Variants in LONRF1 observed in about 807,000 individuals in gnomAD.
The protein encoded by LONRF1 is LON peptidase N-terminal domain and ring finger 1, also known as LON peptidase N-terminal domain and RING finger protein 1.
LONRF1 carries 37 observed loss-of-function variants against 85.8 expected under a neutral mutation model. The observed-to-expected ratio is 0.43, with a 90% CI of 0.33 to 0.57. The LOEUF (loss-of-function observed/expected upper bound fraction) is 0.57, where lower values mean the gene tolerates loss of function less well. Among genes scored for constraint, LONRF1 ranks in the 20% least tolerant of loss-of-function variants. The pLI, the probability that LONRF1 is intolerant of heterozygous loss-of-function variation, is 0.04. For synonymous variants in LONRF1, 517 were observed against 390.1 expected, an observed-to-expected ratio of 1.33 and a Z score of -3.83; for missense variants, 1,036 against 978.0, an observed-to-expected ratio of 1.06 and a Z score of -0.79.
At chr8:12,727,081 T>C (rs1011580781) in intron 10 of LONRF1, among the ~76,000 whole-genome samples, 14 of 150,340 alleles carry the variant, frequency 9.3e-5, no homozygotes, top group Non-Finnish European at 1.8e-4. Context: ...CTAACATACA[T>C]TGATAGGAGC....
intron 8 of LONRF1, among the ~76,000 whole-genome samples, chr8:12,731,222 C>T (rs901638060): frequency 1.3e-5 from 2 of 152,142 alleles, no homozygotes; most frequent in African/African-American, 4.8e-5. Flanking sequence ...ACCCTCCCGA[C>T]ACCAACTCAG....
chr8:12,745,717 A>G (rs1022253980), intron 1 of LONRF1, among the ~76,000 whole-genome samples: 6 of 152,182 alleles, frequency 3.9e-5, no homozygotes, highest in Non-Finnish European at 5.9e-5. Flanking sequence ...CATTTTTGAA[A>G]TCGACAAAAT....
In LONRF1 at chr8:12,755,354, C is replaced by T; in HGVS notation, c.67G>A (p.Gly23Ser). 7 of 1,225,878 alleles carry T rather than the reference C, an allele frequency of 5.7e-6. No homozygotes were observed. Among genetic ancestry groups the T allele is most frequent in the Non-Finnish European group, 7.1e-6 (7 of 980,858 alleles). 75.9% of individuals were successfully genotyped at this position (1,225,878 alleles called of 1,614,324 possible). ...GSREMAPAPQ[G>S]RGRFWEVGGG... is the part of the protein sequence containing the mutation. ...CCCACTTCCCAGAACCGGCCTCGGC[C>T]CTGCGGCGCTGGGGCCATCTCCCGA... The change falls in exon 1 of 12, where the codon GGC becomes AGC. Residue 23 changes from glycine to serine, a missense_variant. Gly to Ser is a moderately conservative substitution (Grantham distance 56). Around this residue, in one of 3 missense-constraint regions of LONRF1, gnomAD observed 742 missense variants for 614.4 expected, o/e 1.21. Coordinates refer to ENST00000398246, the MANE Select transcript of LONRF1 (RefSeq NM_152271.5).
At chr8:12,728,538 T>C (rs1043049004) in intron 10 of LONRF1, among the ~76,000 whole-genome samples, 1 of 152,212 alleles carries the variant, frequency 6.6e-6, no homozygotes, top group African/African-American at 2.4e-5. Context: ...AGGGCAGAAA[T>C]GTAAACCTTT....
intron 7 of LONRF1, among the ~76,000 whole-genome samples, chr8:12,732,082 G>A (rs1798548536): frequency 6.6e-6 from 1 of 152,200 alleles, no homozygotes; most frequent in Non-Finnish European, 1.5e-5. Context: ...ACCAAGCCCT[G>A]TACAGAAGAA....
chr8:12,732,149 G>A (rs528250245), intron 7 of LONRF1, among the ~76,000 whole-genome samples: 20 of 152,346 alleles, frequency 1.3e-4, no homozygotes, highest in Middle Eastern at 3.4e-3. Context: ...CTGCCCTGCC[G>A]TCTTCCACAA....
intron 3 of LONRF1, among the ~76,000 whole-genome samples, chr8:12,739,223 A>G (rs1798835610): frequency 6.6e-6 from 1 of 152,060 alleles, no homozygotes; most frequent in South Asian, 2.1e-4. Flanking sequence ...AAAATACTGG[A>G]AACAATCCAA....
At chr8:12,732,625 T>G (rs1798570673) in intron 7 of LONRF1, among the ~76,000 whole-genome samples, 1 of 152,214 alleles carries the variant, frequency 6.6e-6, no homozygotes, top group African/African-American at 2.4e-5. Context: ...TCCTTCAAGG[T>G]CTGACTCCAA....
intron 3 of LONRF1, among the ~76,000 whole-genome samples, chr8:12,740,591 T>C (rs1291377708): frequency 1.3e-5 from 2 of 152,184 alleles, no homozygotes; most frequent in East Asian, 1.9e-4. Context: ...ATCGTGATAG[T>C]AATGCTTAAT....
At chr8:12,727,233 A>G (rs1215654003) in intron 10 of LONRF1, 2 of 149,246 alleles carry the variant, frequency 1.3e-5, no homozygotes, top group African/African-American at 4.9e-5. Context: ...CAGTGATGAA[A>G]AACGGAGCTG....
rs772210129 is a variant in LONRF1, at chr8:12,740,843, C to A, written c.963+31G>T. 4.3e-6 allele frequency: 7 copies of A among 1,609,430 alleles called. No homozygotes were observed. In the African/African-American group the frequency reaches 6.7e-5, roughly 15 times the overall value. Reference sequence around the variant, plus strand: ...AAACCTGTCTGCCTCTTAGCCCTACCATGAACTGTAATTGTTGGTAAACTG... The same window carrying A: ...AAACCTGTCTGCCTCTTAGCCCTACAATGAACTGTAATTGTTGGTAAACTG... On this transcript the variant is annotated intron_variant, in intron 3 of 11. Transcript: ENST00000398246.
intron 1 of LONRF1, chr8:12,753,821 A>G (rs778577619): frequency 2.0e-5 from 3 of 150,624 alleles, no homozygotes; most frequent in African/African-American, 4.8e-5. Flanking sequence ...CTCAAGACCT[A>G]TAAGGCCTTT....
At chr8:12,739,174 G>A (rs1213687018) in intron 3 of LONRF1, among the ~76,000 whole-genome samples, 1 of 151,904 alleles carries the variant, frequency 6.6e-6, no homozygotes, top group Non-Finnish European at 1.5e-5. Flanking sequence ...AAAATGACTT[G>A]TACAAGAATA....
At chr8:12,748,482 C>T (rs933919484) in intron 1 of LONRF1, among the ~76,000 whole-genome samples, 1 of 152,184 alleles carries the variant, frequency 6.6e-6, no homozygotes, top group South Asian at 2.1e-4. Flanking sequence ...TATGCATGAG[C>T]CACCATGCTG....
In LONRF1 at chr8:12,735,411, C is replaced by G. The variant is rs774626246; in HGVS notation, c.1452-11G>C. On this transcript the variant is annotated splice_polypyrimidine_tract_variant and intron_variant, in intron 6 of 11. Coordinates refer to ENST00000398246, the MANE Select transcript of LONRF1 (RefSeq NM_152271.5). ...GGCTCAAAAAACAACCTGAAATCAA[C>G]CAAGATACATGTTAGTTTTCACATT... The G allele has an allele frequency of 1.6e-5, 24 of 1,531,744 alleles. No homozygotes were observed. In the African/African-American group the frequency reaches 3.3e-4, roughly 21 times the overall value. 94.9% of individuals were successfully genotyped at this position (1,531,744 alleles called of 1,614,324 possible). A position where few individuals can be genotyped will look rare whatever the true frequency, so the allele number is the denominator to read the frequency against.
rs59128228 is a variant in LONRF1 at position 12,749,723 on chromosome 8, T to C, written c.721+4977A>G. The stretch of plus-strand genomic sequence containing the variant: ...CAAAAGCCATTACAGTTGATCTTTT[T>C]AGTAACCCTGAGGCACTAAGAAAAA... On this transcript the variant is annotated intron_variant, in intron 1 of 11. Transcript: ENST00000398246. 1.0e-3 allele frequency among the ~76,000 whole-genome samples: 157 copies of C among 152,292 alleles called. 1 individual carries two copies. Among genetic ancestry groups the C allele is most frequent in the African/African-American group, 3.5e-3 (145 of 41,568 alleles).
At chr8:12,730,593 G>A (rs997614778) in intron 8 of LONRF1, among the ~76,000 whole-genome samples, 3 of 151,738 alleles carry the variant, frequency 2.0e-5, no homozygotes, top group African/African-American at 4.8e-5. Context: ...CCACTCTTCC[G>A]TGGGCTGGCT....
intron 1 of LONRF1, among the ~76,000 whole-genome samples, chr8:12,751,302 T>TTTTTGTTTGTTTTTG (rs1554469360): frequency 1.0e-5 from 1 of 96,602 alleles, no homozygotes; most frequent in African/African-American, 3.1e-5. Flanking sequence ...TTATGTTTTT[T>TTTTTGTTTGTTTTTG]TTTTTTTTTT....
chr8:12,746,145 T>G (rs1031010061), intron 1 of LONRF1, among the ~76,000 whole-genome samples: 1 of 152,216 alleles, frequency 6.6e-6, no homozygotes, highest in African/African-American at 2.4e-5. Context: ...CTAGTAATCC[T>G]GGGTTAGGCT....
Sources: allele counts gnomAD v4.1 joint callset (sites outside exome capture counted in the v4.1 genomes callset), GRCh38; gene constraint gnomAD v4.1.1; regional missense constraint gnomAD v4.1.1; transcripts MANE v1.5; gene names NCBI Gene and HGNC (gene_info 2026-07-23, HGNC 2026-07-21).